Variants in ANKRD62 observed in about 807,000 individuals in gnomAD.
ANKRD62 encodes the protein ankyrin repeat domain-containing protein 62.
In ANKRD62, 61 loss-of-function variants were observed where a neutral mutation model predicts 98.8. The observed-to-expected ratio is 0.62, with a 90% confidence interval of 0.50 to 0.76. The LOEUF is 0.76. ANKRD62 is among the 30% of genes least tolerant of loss of function. The pLI is 0.00. For missense variants in ANKRD62, 933 were observed against 1,082.9 expected (o/e 0.86, Z 1.94); for synonymous variants, 341 against 367.9 (o/e 0.93, Z 0.84).
intron 10 of ANKRD62, among the ~76,000 whole-genome samples, chr18:12,118,162 A>AT (rs1909706102): frequency 6.6e-6 from 1 of 152,182 alleles, no homozygotes. Context: ...TATGCGTGTC[A>AT]TATACATTAT....
At chr18:12,162,830 G>A in the ANKRD62 span, among the ~76,000 whole-genome samples, 1 of 152,046 alleles carries the variant, frequency 6.6e-6, no homozygotes, top group South Asian at 2.1e-4. Context: ...TACTGTAGGT[G>A]TGTAGATTTG....
At chr18:12,135,863 A>G in the ANKRD62 span, among the ~76,000 whole-genome samples, 21 of 151,578 alleles carry the variant, frequency 1.4e-4, no homozygotes, top group African/African-American at 4.6e-4. Flanking sequence ...GTCTGTTCAT[A>G]TCCTTTGCCC....
rs1350648266 is a variant in ANKRD62 at position 12,126,046 on chromosome 18, GC to G, written c.2227del (p.Arg743GlufsTer24). The part of the protein sequence containing the change: ...LHIEHMQGVL[S>X]RTQRRLEDIE... ...ATAGAACACATGCAAGGAGTCCTAA[GC>G]CGAACACAGCGTCGATTGGAGGACA... is the stretch of plus-strand genomic sequence containing the variant. On this transcript the variant is annotated frameshift_variant, in exon 13 of 14. Coordinates refer to ENST00000587848, the MANE Select transcript of ANKRD62 (RefSeq NM_001277333.2). LOFTEE classifies it high-confidence loss of function. 2 of 1,536,130 alleles carry G rather than the reference GC, an allele frequency of 1.3e-6. No individual in the cohort carries two copies. The highest frequency in any genetic ancestry group is 2.7e-5 in the African/African-American group (2 of 73,038).
intron 6 of ANKRD62, among the ~76,000 whole-genome samples, chr18:12,101,720 TTTAG>T: frequency 6.6e-6 from 1 of 152,214 alleles, no homozygotes; most frequent in South Asian, 2.1e-4. Flanking sequence ...TCGTATCATG[TTTAG>T]TTATACTGTG....
the ANKRD62 span, among the ~76,000 whole-genome samples, chr18:12,153,384 G>A: frequency 1.3e-5 from 2 of 152,036 alleles, no homozygotes; most frequent in Non-Finnish European, 2.9e-5. Flanking sequence ...TTAAGGTCAG[G>A]AGTTCAAGAC....
chr18:12,169,583 T>C, the ANKRD62 span, among the ~76,000 whole-genome samples: 1 of 152,300 alleles, frequency 6.6e-6, no homozygotes, highest in South Asian at 2.1e-4. Flanking sequence ...GAGATATTGG[T>C]CTAAAATTCT....
At chr18:12,102,652 A>T in intron 6 of ANKRD62, 2 of 928,674 alleles carry the variant, frequency 2.2e-6, no homozygotes, top group Non-Finnish European at 2.6e-6. Flanking sequence ...GCTGTTGAAA[A>T]ATGAAATTTG....
chr18:12,172,232 T>G, the ANKRD62 span, among the ~76,000 whole-genome samples: 1 of 152,252 alleles, frequency 6.6e-6, no homozygotes, highest in Non-Finnish European at 1.5e-5. Context: ...ATTTTTAGAA[T>G]TTTCAGCTTT....
At chr18:12,101,404 A>C (rs1358373940) in intron 6 of ANKRD62, among the ~76,000 whole-genome samples, 2 of 152,184 alleles carry the variant, frequency 1.3e-5, no homozygotes, top group African/African-American at 2.4e-5. Context: ...CTTAAATGGA[A>C]CTTCTCTATA....
chr18:12,154,557 C>T, the ANKRD62 span, among the ~76,000 whole-genome samples: 1 of 152,138 alleles, frequency 6.6e-6, no homozygotes, highest in East Asian at 1.9e-4. Context: ...AAGCTAAAAG[C>T]AGAACTACCA....
chr18:12,141,342 G>T, the ANKRD62 span, among the ~76,000 whole-genome samples: 1 of 152,184 alleles, frequency 6.6e-6, no homozygotes, highest in South Asian at 2.1e-4. Context: ...CTCACACACG[G>T]TGCACTGCAC....
At position 12,107,623 on chromosome 18, in the gene ANKRD62, G is replaced by A. The variant is rs1028810296; in HGVS notation, c.1064+156G>A. 2.6e-5 allele frequency among the ~76,000 whole-genome samples: 4 copies of A among 152,294 alleles called. No individual in the cohort carries two copies. In the East Asian group the frequency reaches 7.7e-4, roughly 29 times the overall value. ...CATAAAATGCAAATTAACAAGCAAT[G>A]AGATATGGTCTTTCCAATCATATTG... On this transcript the variant is annotated intron_variant, in intron 8 of 13. Coordinates refer to ENST00000587848, the MANE Select transcript of ANKRD62 (RefSeq NM_001277333.2).
chr18:12,123,659 T>C (rs1024085889), intron 11 of ANKRD62, among the ~76,000 whole-genome samples: 4 of 152,348 alleles, frequency 2.6e-5, no homozygotes, highest in Admixed American at 2.6e-4. Context: ...CATCTGGAGA[T>C]ACATGTTGCA....
chr18:12,163,254 T>C, the ANKRD62 span, among the ~76,000 whole-genome samples: 1 of 152,082 alleles, frequency 6.6e-6, no homozygotes, highest in Admixed American at 6.6e-5. Flanking sequence ...TGTAATTTTA[T>C]TTGTGGCTAT....
At position 12,095,236 on chromosome 18, in the gene ANKRD62, A is replaced by G. The variant is rs774789915; in HGVS notation, c.284A>G (p.Lys95Arg). ...GTGGTAGCTGACCTGGTGGCCAGAAAATGCCAGCTTAACCTCACTGACAGT... is the reference window on the plus strand; with the variant it reads ...GTGGTAGCTGACCTGGTGGCCAGAAGATGCCAGCTTAACCTCACTGACAGT... ...PGVVADLVARKCQLNLTDSEN... is the reference protein window; with the variant it reads ...PGVVADLVARRCQLNLTDSEN... Residue 95 changes from lysine to arginine, a missense_variant, in exon 2 of 14, where the codon AAA (lysine) becomes AGA (arginine). Lys to Arg is a conservative substitution (Grantham distance 26, BLOSUM62 2). Coordinates refer to ENST00000587848, the MANE Select transcript of ANKRD62 (RefSeq NM_001277333.2). 2.5e-5 allele frequency: 38 copies of G among 1,538,592 alleles called. No individual in the cohort carries two copies. The African/African-American group carries it at 4.8e-4, about 19-fold the overall frequency.
At chr18:12,116,039 T>C (rs1479348175) in intron 10 of ANKRD62, among the ~76,000 whole-genome samples, 1 of 152,172 alleles carries the variant, frequency 6.6e-6, no homozygotes, top group African/African-American at 2.4e-5. Context: ...TGTTTCTCTG[T>C]GTGTCACAGC....
intron 8 of ANKRD62, among the ~76,000 whole-genome samples, chr18:12,113,914 A>T (rs1272151744): frequency 6.6e-6 from 1 of 152,246 alleles, no homozygotes; most frequent in Non-Finnish European, 1.5e-5. Context: ...CATAGACTGG[A>T]TATAGAAAAT....
downstream of ANKRD62, among the ~76,000 whole-genome samples, chr18:12,132,892 A>C (rs1176631185): frequency 6.6e-6 from 1 of 152,118 alleles, no homozygotes; most frequent in Non-Finnish European, 1.5e-5. Context: ...AAACTTTGTC[A>C]ATTCTTTTTG....
the ANKRD62 span, among the ~76,000 whole-genome samples, chr18:12,159,792 G>C: frequency 2.6e-5 from 4 of 152,042 alleles, no homozygotes; most frequent in Admixed American, 2.6e-4. Context: ...AGTTTATTTA[G>C]CTTATTATTT....
Sources: allele counts gnomAD v4.1 joint callset (sites outside exome capture counted in the v4.1 genomes callset), GRCh38; gene constraint gnomAD v4.1.1; transcripts MANE v1.5; gene names NCBI Gene and HGNC (gene_info 2026-07-23, HGNC 2026-07-21).